RBFOX1: variants seen among roughly 807,000 people sequenced by gnomAD.
The protein encoded by RBFOX1 is RNA binding protein fox-1 homolog 1.
A neutral mutation model predicts 57.7 loss-of-function variants in RBFOX1; 8 were observed. The observed-to-expected ratio is 0.14, with a 90% CI of 0.08 to 0.25. RBFOX1 has a LOEUF of 0.25. RBFOX1 is among the 10% of genes least tolerant of loss of function. The pLI, the probability that RBFOX1 is intolerant of heterozygous loss-of-function variation, is 1.00. For missense variants in RBFOX1, 611 were observed against 548.5 expected (o/e 1.11, Z -1.14); for synonymous variants, 326 against 222.4 (o/e 1.47, Z -4.15).
chr16:6,305,751 T>G (rs976500242), intron 1 of RBFOX1, among the ~76,000 whole-genome samples: 1 of 151,864 alleles, frequency 6.6e-6, no homozygotes, highest in Non-Finnish European at 1.5e-5. Flanking sequence ...TGGCCAGAGA[T>G]GGACAGTAAC....
intron 3 of RBFOX1, among the ~76,000 whole-genome samples, chr16:7,048,031 A>C (rs1228169761): frequency 2.0e-5 from 3 of 151,720 alleles, no homozygotes; most frequent in Non-Finnish European, 4.4e-5. Flanking sequence ...GGTGCCTGCC[A>C]CAACGCCTGG....
rs142178325 is a variant in RBFOX1 at position 7,147,410 on chromosome 16, C to G, written c.27+95312C>G. The stretch of plus-strand genomic sequence containing the variant: ...TCCTGAAGTTTGGTAGACAAATGAT[C>G]CTGTCACCCAGGTGGTGGGCGTAGT... On this transcript the variant is annotated intron_variant, in intron 4 of 15. Transcript: ENST00000550418. Among the ~76,000 whole-genome samples the G allele has an allele frequency of 4.4e-3, 669 of 151,364 alleles. 7 individuals are homozygous for G. The highest frequency in any genetic ancestry group is 0.015 in the African/African-American group (639 of 41,272).
rs143102952 is a variant in RBFOX1, at chr16:5,912,682, G to T, written c.351+45347G>T. Among the ~76,000 whole-genome samples, 265 of 152,318 alleles carry T rather than the reference G, an allele frequency of 1.7e-3. 1 individual carries two copies. The highest frequency in any genetic ancestry group is 6.1e-3 in the African/African-American group (252 of 41,562). On this transcript the variant is annotated intron_variant, in intron 4 of 19. Coordinates refer to the RBFOX1 transcript ENST00000641259. ...TTGCTGGGGTTTTTAAATCAGTGCA[G>T]TAATTTAAGCATGACTCTTGGAGGC...
intron 14 of RBFOX1, among the ~76,000 whole-genome samples, chr16:7,677,313 C>T (rs62010202): frequency 5.3e-5 from 8 of 152,124 alleles, no homozygotes; most frequent in Non-Finnish European, 1.2e-4. Flanking sequence ...CCCTCCATTG[C>T]ATTATTACAA....
At chr16:6,131,993 G>C (rs935734215) in intron 1 of RBFOX1, among the ~76,000 whole-genome samples, 9 of 152,158 alleles carry the variant, frequency 5.9e-5, no homozygotes, top group African/African-American at 1.9e-4. Context: ...ATTTGAGCTT[G>C]CTCTTTAATT....
chr16:6,814,359 T>A (rs900457069), intron 3 of RBFOX1, among the ~76,000 whole-genome samples: 3 of 152,306 alleles, frequency 2.0e-5, no homozygotes, highest in Admixed American at 2.0e-4. Context: ...CCTAAGTGTT[T>A]CCATTTCTTT....
intron 4 of RBFOX1, among the ~76,000 whole-genome samples, chr16:7,162,439 A>T (rs1158424460): frequency 6.6e-6 from 1 of 151,994 alleles, no homozygotes; most frequent in Non-Finnish European, 1.5e-5. Flanking sequence ...ATGATAAAAG[A>T]ATCTAGACTT....
intron 2 of RBFOX1, among the ~76,000 whole-genome samples, chr16:6,457,338 A>T (rs902034295): frequency 4.0e-5 from 6 of 151,878 alleles, no homozygotes; most frequent in East Asian, 3.9e-4. Flanking sequence ...ATGGCATTGG[A>T]TGATAGACTC....
At chr16:6,596,597 T>TTAA (rs2097778972) in intron 2 of RBFOX1, among the ~76,000 whole-genome samples, 2 of 152,150 alleles carry the variant, frequency 1.3e-5, no homozygotes, top group African/African-American at 4.8e-5. Flanking sequence ...AGAACAGAAC[T>TTAA]TCAGAATAAA....
chr16:7,200,303 A>T (rs140571331), intron 4 of RBFOX1, among the ~76,000 whole-genome samples: 1 of 152,214 alleles, frequency 6.6e-6, no homozygotes, highest in Non-Finnish European at 1.5e-5. Flanking sequence ...GGAGAAGTGA[A>T]TAACTTAATG....
intron 1 of RBFOX1, among the ~76,000 whole-genome samples, chr16:6,070,887 A>T (rs1281356277): frequency 6.6e-6 from 1 of 152,024 alleles, no homozygotes; most frequent in Non-Finnish European, 1.5e-5. Flanking sequence ...GTATAATTTA[A>T]TGTTTTTCAT....
intron 10 of RBFOX1, among the ~76,000 whole-genome samples, chr16:7,626,439 T>A (rs905945790): frequency 2.6e-5 from 4 of 152,140 alleles, no homozygotes; most frequent in African/African-American, 9.7e-5. Context: ...GTGGGACATC[T>A]TGCCAGGTTG....
At chr16:6,168,976 C>T (rs919218032) in intron 1 of RBFOX1, among the ~76,000 whole-genome samples, 2 of 152,038 alleles carry the variant, frequency 1.3e-5, no homozygotes, top group Non-Finnish European at 2.9e-5. Flanking sequence ...CCGTGGGGTG[C>T]TACAGCATGA....
chr16:7,025,026 A>G (rs1455709341), intron 3 of RBFOX1, among the ~76,000 whole-genome samples: 2 of 152,168 alleles, frequency 1.3e-5, no homozygotes, highest in Non-Finnish European at 2.9e-5. Context: ...CGACCCCAAG[A>G]GAGCGTTCTC....
intron 1 of RBFOX1, among the ~76,000 whole-genome samples, chr16:6,137,766 C>T (rs765552017): frequency 3.2e-4 from 48 of 151,758 alleles, no homozygotes; most frequent in Non-Finnish European, 6.0e-4. Context: ...CACCATCACA[C>T]CTGGCTAATT....
rs531710831 is a variant in RBFOX1, at chr16:5,533,975, T to C, written c.259-64927T>C. Among the ~76,000 whole-genome samples, 182 of 152,134 alleles carry C rather than the reference T, an allele frequency of 1.2e-3. 2 individuals carry two copies. The South Asian group carries it at 0.014, about 12-fold the overall frequency. On this transcript the variant is annotated intron_variant, in intron 2 of 2. Transcript: ENST00000585867. ...GAGACAGTGATGAGAAGCCCACACA[T>C]TCGGAGGCTATGTTGCCAGGGTCAG...
chr16:5,499,485 C>T (rs2043114563), intron 2 of RBFOX1, among the ~76,000 whole-genome samples: 1 of 152,130 alleles, frequency 6.6e-6, no homozygotes, highest in South Asian at 2.1e-4. Flanking sequence ...CAAACAGAGG[C>T]TTAGAGAGGC....
intron 14 of RBFOX1, among the ~76,000 whole-genome samples, chr16:7,707,144 C>G (rs371998409): frequency 1.4e-4 from 21 of 152,146 alleles, no homozygotes; most frequent in East Asian, 5.8e-4. Flanking sequence ...AGCTGAAAGC[C>G]TCATCTAGAT....
chr16:7,214,801 A>T (rs906934621), intron 4 of RBFOX1, among the ~76,000 whole-genome samples: 10 of 152,174 alleles, frequency 6.6e-5, no homozygotes, highest in African/African-American at 2.4e-4. Context: ...TGAAGTAGAC[A>T]CATGTTCCTC....
Sources: allele counts gnomAD v4.1 joint callset (sites outside exome capture counted in the v4.1 genomes callset), GRCh38; gene constraint gnomAD v4.1.1; transcripts MANE v1.5; gene names NCBI Gene and HGNC (gene_info 2026-07-23, HGNC 2026-07-21).